The following TPTE2 variants were observed in gnomAD, a reference collection of about 807,000 sequenced individuals.
The protein encoded by TPTE2 is phosphatidylinositol 3,4,5-trisphosphate 3-phosphatase TPTE2.
Under a neutral mutation model 78.6 loss-of-function variants are expected in TPTE2, and 53 were observed. The ratio of observed to expected loss-of-function variants is 0.67; its 90% CI spans 0.54 to 0.85. The LOEUF is 0.85. TPTE2 is among the 40% of genes least tolerant of loss of function. The pLI, the probability that TPTE2 is intolerant of heterozygous loss-of-function variation, is 0.00. For missense variants in TPTE2, 461 were observed against 623.0 expected (o/e 0.74, Z 2.77); for synonymous variants, 175 against 206.2 (o/e 0.85, Z 1.30).
chr13:19,524,727 A>T (rs1870393485), intron 1 of TPTE2, among the ~76,000 whole-genome samples: 2 of 152,212 alleles, frequency 1.3e-5, no homozygotes, highest in African/African-American at 4.8e-5. Context: ...ACTTCAAAGT[A>T]GGTTTTCTGA....
chr13:19,536,025 A>G (rs571797349), intron 1 of TPTE2, among the ~76,000 whole-genome samples: 1 of 152,332 alleles, frequency 6.6e-6, no homozygotes, highest in East Asian at 1.9e-4. Flanking sequence ...TTTATTCACA[A>G]CTAATTTCTG....
chr13:19,435,276 T>C (rs1383308048), intron 15 of TPTE2, among the ~76,000 whole-genome samples: 1 of 152,230 alleles, frequency 6.6e-6, no homozygotes, highest in African/African-American at 2.4e-5. Flanking sequence ...TTTTAAGGTA[T>C]AATATTGTTA....
At chr13:19,426,443 T>C (rs1389955106) in exon 18 of TPTE2, 33 of 1,605,906 alleles carry the variant, frequency 2.1e-5, no homozygotes, top group Non-Finnish European at 2.8e-5. Context: ...AAAACTGCAC[T>C]TTCACATCAT....
At chr13:19,478,831 TA>T (rs948187483) in intron 4 of TPTE2, among the ~76,000 whole-genome samples, 1 of 152,038 alleles carries the variant, frequency 6.6e-6, no homozygotes, top group African/African-American at 2.4e-5. Flanking sequence ...TATGCAGCCA[TA>T]AAAAAGGATG....
chr13:19,445,804 G>C (rs1420421274), intron 13 of TPTE2, among the ~76,000 whole-genome samples: 2 of 152,172 alleles, frequency 1.3e-5, no homozygotes, highest in African/African-American at 2.4e-5. Context: ...AGCTGGGTAT[G>C]GTGGCGGACG....
intron 4 of TPTE2, among the ~76,000 whole-genome samples, chr13:19,475,838 T>C (rs538073601): frequency 1.3e-5 from 2 of 152,202 alleles, no homozygotes; most frequent in Non-Finnish European, 2.9e-5. Flanking sequence ...AAACTTTGGA[T>C]GTTTAGTAAC....
At chr13:19,538,021 T>C (rs56259163), upstream of TPTE2, among the ~76,000 whole-genome samples, 19,309 of 152,280 alleles carry the variant, frequency 0.13, 1,368 homozygotes, top group Middle Eastern at 0.23. Flanking sequence ...TTATATTTTC[T>C]GAATACTAAC....
At chr13:19,551,299 G>A in the TPTE2 span, among the ~76,000 whole-genome samples, 4 of 152,080 alleles carry the variant, frequency 2.6e-5, no homozygotes, top group African/African-American at 9.7e-5. Context: ...GGTACAATAT[G>A]AATATACAGG....
intron 10 of TPTE2, among the ~76,000 whole-genome samples, chr13:19,456,305 A>G (rs1182415065): frequency 4.0e-5 from 6 of 151,642 alleles, no homozygotes; most frequent in African/African-American, 1.5e-4. Context: ...GACCAGAGAG[A>G]CTCCTTCTCT....
intron 13 of TPTE2, among the ~76,000 whole-genome samples, chr13:19,442,208 C>T (rs544904734): frequency 2.0e-5 from 3 of 151,192 alleles, no homozygotes; most frequent in East Asian, 3.9e-4. Context: ...TTTCAAAGAA[C>T]TAAAAAAGAA....
At position 19,442,240 on chromosome 13, in the gene TPTE2, T is replaced by C. The variant is rs368443252; in HGVS notation, c.974-4087A>G. Among the ~76,000 whole-genome samples, 8 of 152,108 alleles carry C rather than the reference T, an allele frequency of 5.3e-5. No homozygotes were observed. In the South Asian group the frequency reaches 8.3e-4, roughly 16 times the overall value. On this transcript the variant is annotated intron_variant, in intron 13 of 19. Transcript: ENST00000400230. ...AGAAAAAAATACATAGTATGTTCTG[T>C]GTCCACAACAAAATGTAATAAATCA...
chr13:19,530,448 T>G (rs1043907620), intron 1 of TPTE2, among the ~76,000 whole-genome samples: 10 of 152,158 alleles, frequency 6.6e-5, no homozygotes, highest in African/African-American at 2.2e-4. Flanking sequence ...AACTGTGCAT[T>G]TTTTGGGGAT....
intron 13 of TPTE2, among the ~76,000 whole-genome samples, chr13:19,443,584 A>G (rs1459521930): frequency 6.6e-6 from 1 of 151,912 alleles, no homozygotes; most frequent in Non-Finnish European, 1.5e-5. Context: ...TGTATTTTTT[A>G]GTAGAGACAG....
At chr13:19,457,006 GA>G (rs1878578219) in intron 10 of TPTE2, among the ~76,000 whole-genome samples, 2 of 152,130 alleles carry the variant, frequency 1.3e-5, no homozygotes, top group Admixed American at 1.3e-4. Flanking sequence ...AAAAAGCCCA[GA>G]AACAGACCTA....
chr13:19,490,145 C>A (rs1029967370), intron 3 of TPTE2, among the ~76,000 whole-genome samples: 8 of 152,062 alleles, frequency 5.3e-5, no homozygotes, highest in Admixed American at 2.0e-4. Flanking sequence ...AAGTGCAGTT[C>A]TTTATTACTT....
At chr13:19,438,189 TG>T (rs767433490) in intron 13 of TPTE2, 36 bp from the exon 17 acceptor site, 2 of 1,597,936 alleles carry the variant, frequency 1.3e-6, no homozygotes, top group Non-Finnish European at 1.7e-6. Context: ...AGAACATACA[TG>T]GTATAAAAAT....
At chr13:19,439,923 A>T (rs201423151) in intron 13 of TPTE2, among the ~76,000 whole-genome samples, 8 of 152,180 alleles carry the variant, frequency 5.3e-5, no homozygotes, top group Non-Finnish European at 7.4e-5. Flanking sequence ...AAGATTTTTT[A>T]AAAGTGAAGA....
chr13:19,527,899 C>T (rs1018824850), intron 1 of TPTE2, among the ~76,000 whole-genome samples: 1 of 152,188 alleles, frequency 6.6e-6, no homozygotes, highest in Non-Finnish European at 1.5e-5. Context: ...GAATACTTAG[C>T]CCTCAATCTG....
chr13:19,546,459 AT>A, the TPTE2 span, among the ~76,000 whole-genome samples: 1 of 121,484 alleles, frequency 8.2e-6, no homozygotes, highest in East Asian at 2.7e-4. Context: ...AGTTAGTTTG[AT>A]TTTTGGGTTT....
Sources: allele counts gnomAD v4.1 joint callset (sites outside exome capture counted in the v4.1 genomes callset), GRCh38; gene constraint gnomAD v4.1.1; transcripts MANE v1.5; gene names NCBI Gene and HGNC (gene_info 2026-07-23, HGNC 2026-07-21).